The following TAT variants were observed in gnomAD, a reference collection of about 807,000 sequenced individuals.
The protein encoded by TAT is tyrosine aminotransferase.
TAT carries 35 observed loss-of-function variants against 53.6 expected under a neutral mutation model. The ratio of observed to expected loss-of-function variants is 0.65; its 90% CI spans 0.50 to 0.87. TAT has a LOEUF of 0.87. Ranked by LOEUF, TAT falls within the 40% of genes least tolerant of loss-of-function variation. TAT has a pLI of 0.00. For missense variants in TAT, 525 were observed against 571.8 expected (o/e 0.92, Z 0.83); for synonymous variants, 197 against 206.5 (o/e 0.95, Z 0.39).
chr16:71,571,271 A>T (rs1339644251), intron 7 of TAT, among the ~76,000 whole-genome samples: 1 of 152,196 alleles, frequency 6.6e-6, no homozygotes, highest in East Asian at 1.9e-4. Context: ...GCTGTCTAGG[A>T]TAGTACCCCT....
At chr16:71,574,310 G>A (rs981091634) in intron 3 of TAT, among the ~76,000 whole-genome samples, 4 of 152,082 alleles carry the variant, frequency 2.6e-5, no homozygotes, top group Non-Finnish European at 4.4e-5. Context: ...GCCAGGCGCG[G>A]TGGCTCACGC....
intron 3 of TAT, 86 bp downstream of exon 3, chr16:71,575,836 G>A: frequency 1.5e-6 from 2 of 1,311,996 alleles, no homozygotes; most frequent in Non-Finnish European, 2.2e-6. Context: ...TCAGGAAAGT[G>A]AAGAGGATTG....
chr16:71,570,333 G>T lies in TAT; in HGVS notation c.977C>A (p.Ala326Asp). 1 of 1,614,186 alleles carries T rather than the reference G, an allele frequency of 6.2e-7. No homozygotes were observed. Among genetic ancestry groups the T allele is most frequent in the African/African-American group, 1.3e-5 (1 of 75,036 alleles). ...ILGPCTIVQGALKSILCRTPG... is the reference protein window; with the variant it reads ...ILGPCTIVQGDLKSILCRTPG... The stretch of plus-strand genomic sequence containing the variant: ...GGTGCGACATAGGATGCTTTTCAGA[G>T]CTCCCTGGACAATGGTACAGGGTCC... The change falls in exon 9 of 12, where the codon GCT (alanine) becomes GAT (aspartate). Residue 326 changes from alanine to aspartate, a missense_variant. Coordinates refer to ENST00000355962, the MANE Select transcript of TAT (RefSeq NM_000353.3).
intron 8 of TAT, 116 bp downstream of exon 8, chr16:71,570,563 C>G: frequency 6.4e-7 from 1 of 1,572,424 alleles, no homozygotes; most frequent in Non-Finnish European, 8.7e-7. Context: ...CTCTGCCACA[C>G]ACATGCTGCT....
At chr16:71,576,837 A>C (rs1410363110) in intron 1 of TAT, among the ~76,000 whole-genome samples, 172 bp downstream of exon 1, 4 of 152,268 alleles carry the variant, frequency 2.6e-5, no homozygotes, top group Non-Finnish European at 5.9e-5. Flanking sequence ...AGGAAGAACC[A>C]CTCCATCTTG....
At position 71,565,741 on chromosome 16, in the gene TAT, T is replaced by G. The variant is rs2432521; in HGVS notation, c.*2403A>C. On this transcript the variant is annotated 3_prime_UTR_variant, in exon 12 of 12. Transcript: ENST00000355962. The stretch of plus-strand genomic sequence containing the variant: ...CACACACACACTTACATAGGCACAG[T>G]ATAATCTGGAAGTATGACCAGCAAA... 0.99 allele frequency: 151,064 copies of G among 152,126 alleles called. 75,007 individuals are homozygous for G. The highest frequency in any genetic ancestry group is 1 in the Middle Eastern group (296 of 296). 9.4% of individuals were successfully genotyped at this position (152,126 alleles called of 1,614,324 possible).
intron 4 of TAT, among the ~76,000 whole-genome samples, chr16:71,573,075 G>A (rs1349903878): frequency 5.8e-4 from 89 of 152,196 alleles, no homozygotes; most frequent in Admixed American, 5.8e-3. Context: ...ACTATAGAGG[G>A]AAGGACATCA....
chr16:71,570,032 G>A (rs1244512182), intron 9 of TAT, 95 bp from the exon 10 acceptor site: 25 of 1,345,812 alleles, frequency 1.9e-5, no homozygotes, highest in African/African-American at 5.8e-5. Flanking sequence ...GAGTGGGAAC[G>A]TAGGTGTGAT....
At chr16:71,574,975 C>A (rs1168534330) in intron 3 of TAT, 1 of 152,128 alleles carries the variant, frequency 6.6e-6, no homozygotes, top group Non-Finnish European at 1.5e-5. Flanking sequence ...TGTTCAGAAC[C>A]TTTGAACATT....
At chr16:71,574,622 G>A (rs9939332) in intron 3 of TAT, among the ~76,000 whole-genome samples, 9,669 of 148,526 alleles carry the variant, frequency 0.065, 1,060 homozygotes, top group African/African-American at 0.23. Context: ...TGTAATCAGT[G>A]CATTCAATTC....
intron 7 of TAT, 90 bp from the exon 8 acceptor site, chr16:71,570,921 C>G (rs905646506): frequency 1.3e-6 from 2 of 1,494,232 alleles, no homozygotes; most frequent in African/African-American, 1.4e-5. Flanking sequence ...CCTTCTATCA[C>G]TAGGGACAGG....
chr16:71,571,045 C>A (rs1292201066), intron 7 of TAT, among the ~76,000 whole-genome samples: 2 of 152,120 alleles, frequency 1.3e-5, no homozygotes, highest in East Asian at 3.8e-4. Flanking sequence ...TTAAAGGAAG[C>A]CTAAAATGAG....
chr16:71,576,212 A>T lies in TAT; in HGVS notation c.204T>A (p.Asn68Lys), dbSNP rs1298957358. 5 of 1,614,034 alleles carry T rather than the reference A, an allele frequency of 3.1e-6. No individual in the cohort carries two copies. Among genetic ancestry groups the T allele is most frequent in the Non-Finnish European group, 4.2e-6 (5 of 1,179,992 alleles). ...AIVDNMKVKP[N>K]PNKTMISLSI... ...ACAGGGAAATCATGGTTTTGTTTGG[A>T]TTTGGTTTCACCTTCATGTTGTCCA... The change falls in exon 2 of 12, where the codon AAT (asparagine) becomes AAA (lysine). Residue 68 changes from asparagine to lysine, a missense_variant. Coordinates refer to ENST00000355962, the MANE Select transcript of TAT (RefSeq NM_000353.3).
chr16:71,576,588 G>T (rs2044236942), intron 1 of TAT, among the ~76,000 whole-genome samples, 161 bp from the exon 2 acceptor site: 1 of 151,914 alleles, frequency 6.6e-6, no homozygotes, highest in Non-Finnish European at 1.5e-5. Context: ...GCTTTACTAT[G>T]AATGGGGGAG....
intron 7 of TAT, 112 bp downstream of exon 7, chr16:71,571,494 T>G (rs1489062039): frequency 2.0e-6 from 2 of 990,796 alleles, no homozygotes; most frequent in Non-Finnish European, 3.2e-6. Context: ...AGTGCAGGGA[T>G]GCTGATTTGC....
chr16:71,567,363 C>G lies in TAT; in HGVS notation c.*781G>C. 1 of 152,290 alleles carries G rather than the reference C, an allele frequency of 6.6e-6. No homozygotes were observed. The highest frequency in any genetic ancestry group is 1.5e-5 in the Non-Finnish European group (1 of 68,160). The allele number at this position is 152,290 out of a possible 1,614,324, so 9.4% of individuals were successfully genotyped here. On this transcript the variant is annotated 3_prime_UTR_variant, in exon 12 of 12. Coordinates refer to ENST00000355962, the MANE Select transcript of TAT (RefSeq NM_000353.3). ...GGTGGAGGTTGCAGTGAGCCGAGAT[C>G]GCGCCACTGCACTCCAGCATGGGCG...
At chr16:71,572,803 G>A in intron 4 of TAT, 115 bp from the exon 5 acceptor site, 4 of 1,206,210 alleles carry the variant, frequency 3.3e-6, no homozygotes, top group Non-Finnish European at 4.8e-6. Context: ...CAAGTTGTAA[G>A]TAGTAGGAAA....
chr16:71,570,237 C>A, intron 9 of TAT, 32 bp downstream of exon 9: 1 of 1,614,128 alleles, frequency 6.2e-7, no homozygotes, highest in African/African-American at 1.3e-5. Context: ...GACTCCCAAA[C>A]TCCCAAAGTG....
intron 3 of TAT, 21 bp from the exon 4 acceptor site, chr16:71,573,627 G>A (rs1446001956): frequency 6.4e-7 from 1 of 1,550,976 alleles, no homozygotes. Flanking sequence ...AGAGTGGAAA[G>A]TGGAGCTTTT....
Sources: allele counts gnomAD v4.1 joint callset (sites outside exome capture counted in the v4.1 genomes callset), GRCh38; gene constraint gnomAD v4.1.1; transcripts MANE v1.5; gene names NCBI Gene and HGNC (gene_info 2026-07-23, HGNC 2026-07-21).